Variants in DPP10 observed in about 807,000 individuals in gnomAD.
DPP10 encodes the protein dipeptidyl peptidase like 10, also known as inactive dipeptidyl peptidase 10.
In DPP10, 33 loss-of-function variants were observed where a neutral mutation model predicts 120.9. The observed-to-expected ratio is 0.27, with a 90% CI of 0.21 to 0.37. DPP10 has a LOEUF of 0.37. Ranked by LOEUF, DPP10 falls within the 10% of genes least tolerant of loss-of-function variation. The probability of loss-of-function intolerance (pLI) is 1.00; values close to 1 mark genes in which losing one functional copy is unlikely to be tolerated. For missense variants in DPP10, 816 were observed against 942.8 expected, an observed-to-expected ratio of 0.87 and a Z score of 1.76; for synonymous variants, 337 against 326.1, an observed-to-expected ratio of 1.03 and a Z score of -0.36.
At chr2:115,276,839 A>G (rs1399344723) in intron 1 of DPP10, among the ~76,000 whole-genome samples, 2 of 152,188 alleles carry the variant, frequency 1.3e-5, no homozygotes, top group African/African-American at 4.8e-5. Flanking sequence ...CTCTACTCCA[A>G]GGATTGCACT....
chr2:114,731,197 T>C (rs1435759866), intron 1 of DPP10, among the ~76,000 whole-genome samples: 1 of 151,890 alleles, frequency 6.6e-6, no homozygotes, highest in East Asian at 1.9e-4. Flanking sequence ...GTCCATGCTC[T>C]GTGCCAAACC....
chr2:115,615,039 T>C (rs758853112), intron 5 of DPP10, among the ~76,000 whole-genome samples: 2 of 152,174 alleles, frequency 1.3e-5, no homozygotes, highest in African/African-American at 2.4e-5. Flanking sequence ...CCCTTTAAAA[T>C]GATTACAAGC....
chr2:115,349,446 G>A (rs1222233742), intron 3 of DPP10, among the ~76,000 whole-genome samples: 6 of 151,804 alleles, frequency 4.0e-5, no homozygotes, highest in African/African-American at 1.5e-4. Flanking sequence ...GAAGATAAAA[G>A]GTAAAAGTTA....
intron 5 of DPP10, among the ~76,000 whole-genome samples, chr2:115,563,893 T>A (rs2080838890): frequency 6.6e-6 from 1 of 152,212 alleles, no homozygotes. Flanking sequence ...AATGATAATA[T>A]GAAGCTATTC....
At chr2:115,699,024 AAAAAAAAAAAAC>A (rs1400877654) in intron 7 of DPP10, among the ~76,000 whole-genome samples, 1,777 of 72,004 alleles carry the variant, frequency 0.025, 60 homozygotes, top group African/African-American at 0.067. Flanking sequence ...GCTTGACTGA[AAAAAAAAAAAAC>A]AAAAAAAAAA....
chr2:115,166,515 T>A, intron 1 of DPP10, among the ~76,000 whole-genome samples: 1 of 142,992 alleles, frequency 7.0e-6, no homozygotes, highest in Non-Finnish European at 1.5e-5. Flanking sequence ...TATATAAATT[T>A]ATAATATAAA....
intron 1 of DPP10, among the ~76,000 whole-genome samples, chr2:115,171,358 CAAAA>C (rs752738778): frequency 1.4e-4 from 16 of 114,380 alleles, no homozygotes; most frequent in Non-Finnish European, 2.4e-4. Context: ...GAGACTCCAT[CAAAA>C]AAAAAAAAAA....
chr2:115,827,115 G>T (rs1352738981), intron 21 of DPP10, among the ~76,000 whole-genome samples: 3 of 151,496 alleles, frequency 2.0e-5, no homozygotes, highest in African/African-American at 7.3e-5. Flanking sequence ...AATAAAATTT[G>T]CTTTGTTATT....
chr2:115,381,322 C>T (rs1197862008), intron 3 of DPP10, among the ~76,000 whole-genome samples: 1 of 152,024 alleles, frequency 6.6e-6, no homozygotes, highest in Non-Finnish European at 1.5e-5. Flanking sequence ...ATCACTAATA[C>T]CCTTTCTTCC....
chr2:114,811,037 T>C (rs11904812), intron 1 of DPP10, among the ~76,000 whole-genome samples: 75,413 of 151,944 alleles, frequency 0.5, 19,304 homozygotes, highest in East Asian at 0.79. Context: ...TTTAGATGCA[T>C]TTTTTCCCAG....
chr2:115,402,854 A>AAATAT lies in DPP10; in HGVS notation c.271+58943_271+58944insATATA, dbSNP rs1476901026. 1.4e-3 allele frequency among the ~76,000 whole-genome samples: 138 copies of AAATAT among 97,638 alleles called. 1 individual carries two copies. The highest frequency in any genetic ancestry group is 2.9e-3 in the East Asian group (9 of 3,122). The allele number at this position is 97,638 out of a possible 152,430, so 64.1% of individuals were successfully genotyped here. On this transcript the variant is annotated intron_variant, in intron 3 of 25. Transcript: ENST00000410059. Reference sequence around the variant, plus strand: ...AGGACACTACAAGGAAAAAAAAAAAAATATATATATATATATATATATGTG... The same window carrying AAATAT: ...AGGACACTACAAGGAAAAAAAAAAAAAATATATATATATATATATATATATATGTG...
At chr2:114,892,815 C>A (rs1454891506) in intron 1 of DPP10, among the ~76,000 whole-genome samples, 1 of 152,090 alleles carries the variant, frequency 6.6e-6, no homozygotes, top group Admixed American at 6.6e-5. Context: ...TGTGGACAAG[C>A]CTCTTTCCAA....
intron 1 of DPP10, among the ~76,000 whole-genome samples, chr2:115,268,186 A>G (rs746733796): frequency 6.6e-5 from 10 of 152,210 alleles, no homozygotes; most frequent in Non-Finnish European, 1.5e-4. Flanking sequence ...ACAGACTCCT[A>G]CTAGCTCTTT....
chr2:115,137,824 C>T (rs1318513705), intron 1 of DPP10, among the ~76,000 whole-genome samples: 1 of 152,160 alleles, frequency 6.6e-6, no homozygotes, highest in African/African-American at 2.4e-5. Context: ...TACACCTGTG[C>T]TGTCAGACTA....
intron 1 of DPP10, among the ~76,000 whole-genome samples, chr2:115,263,865 C>T (rs1355390183): frequency 6.6e-6 from 1 of 151,496 alleles, no homozygotes; most frequent in African/African-American, 2.4e-5. Context: ...AATATTAGTG[C>T]AAAAATCACA....
At chr2:115,442,502 G>A (rs1306396179) in intron 3 of DPP10, among the ~76,000 whole-genome samples, 1 of 151,954 alleles carries the variant, frequency 6.6e-6, no homozygotes, top group African/African-American at 2.4e-5. Context: ...AGTGTCCAGT[G>A]GAATGTTGCT....
At chr2:115,722,773 A>G (rs574043836) in intron 7 of DPP10, among the ~76,000 whole-genome samples, 1 of 150,776 alleles carries the variant, frequency 6.6e-6, no homozygotes, top group Non-Finnish European at 1.5e-5. Context: ...AAGCAACTAT[A>G]GTCATCCATT....
At chr2:114,833,679 T>C (rs914167485) in intron 1 of DPP10, 9 of 152,154 alleles carry the variant, frequency 5.9e-5, no homozygotes, top group Non-Finnish European at 8.8e-5. Context: ...AAGCCTCAGT[T>C]TTCACATCAG....
intron 1 of DPP10, among the ~76,000 whole-genome samples, chr2:114,783,782 T>TG (rs1682534175): frequency 6.6e-6 from 1 of 151,940 alleles, no homozygotes; most frequent in East Asian, 1.9e-4. Flanking sequence ...TGCAGTGAGC[T>TG]GTGTTTGCGT....
Sources: allele counts gnomAD v4.1 joint callset (sites outside exome capture counted in the v4.1 genomes callset), GRCh38; gene constraint gnomAD v4.1.1; transcripts MANE v1.5; gene names NCBI Gene and HGNC (gene_info 2026-07-23, HGNC 2026-07-21).